MCHR2: variants seen among roughly 807,000 people sequenced by gnomAD.
The protein encoded by MCHR2 is melanin concentrating hormone receptor 2, also known as melanin-concentrating hormone receptor 2.
MCHR2 carries 15 observed loss-of-function variants against 24.8 expected under a neutral mutation model. That is an observed-to-expected ratio of 0.60 (90% CI 0.40 to 0.93). MCHR2 has a LOEUF of 0.93. MCHR2 is among the 40% of genes least tolerant of loss of function. MCHR2 has a pLI of 0.00. For synonymous variants in MCHR2, 151 were observed against 147.6 expected, an observed-to-expected ratio of 1.02 and a Z score of -0.17; for missense variants, 386 against 408.7, an observed-to-expected ratio of 0.94 and a Z score of 0.48.
At chr6:99,962,752 C>T (rs1449718399) in intron 1 of MCHR2, among the ~76,000 whole-genome samples, 2 of 151,998 alleles carry the variant, frequency 1.3e-5, no homozygotes, top group East Asian at 1.9e-4. Flanking sequence ...AATGAGTCTA[C>T]ACTGAACTAA....
rs1031262065 is a variant in MCHR2 at position 99,984,581 on chromosome 6, T to A, written c.-28+9355A>T. On this transcript the variant is annotated intron_variant, in intron 1 of 5. Coordinates refer to ENST00000281806, the MANE Select transcript of MCHR2 (RefSeq NM_001040179.2). ...ATACACAGAATTTTAAAAAACCCTA[T>A]GGTCACATCAATAGATGCAGAAAAA... is the stretch of plus-strand genomic sequence containing the variant. Among the ~76,000 whole-genome samples the A allele has an allele frequency of 9.9e-5, 15 of 152,266 alleles. 1 individual carries two copies. The highest frequency in any genetic ancestry group is 3.6e-4 in the African/African-American group (15 of 41,552).
chr6:99,942,917 C>A, intron 4 of MCHR2, 32 bp downstream of exon 4: 1 of 1,555,766 alleles, frequency 6.4e-7, no homozygotes. Flanking sequence ...CAACTTAATT[C>A]AACTCGTTTT....
chr6:99,987,163 T>C (rs1162272754), intron 1 of MCHR2, among the ~76,000 whole-genome samples: 1 of 151,796 alleles, frequency 6.6e-6, no homozygotes, highest in Admixed American at 6.6e-5. Context: ...TGCAGCGGTG[T>C]GATCTCGGCT....
intron 1 of MCHR2, among the ~76,000 whole-genome samples, chr6:99,969,838 C>G (rs1437153557): frequency 6.6e-6 from 1 of 151,318 alleles, no homozygotes; most frequent in African/African-American, 2.4e-5. Flanking sequence ...TGTGATAGTT[C>G]GCTGAGAATG....
At chr6:99,931,280 G>T (rs990161115) in intron 5 of MCHR2, among the ~76,000 whole-genome samples, 3 of 152,178 alleles carry the variant, frequency 2.0e-5, no homozygotes, top group African/African-American at 7.2e-5. Context: ...CTGCTCGGGG[G>T]TCAGGGGTCA....
intron 4 of MCHR2, among the ~76,000 whole-genome samples, chr6:99,938,722 T>C (rs1179717376): frequency 6.6e-6 from 1 of 152,054 alleles, no homozygotes; most frequent in Non-Finnish European, 1.5e-5. Context: ...GTGTGTAGTT[T>C]AATTCTGCCG....
intron 2 of MCHR2, among the ~76,000 whole-genome samples, chr6:99,949,134 A>G (rs974775172): frequency 6.6e-6 from 1 of 152,136 alleles, no homozygotes; most frequent in Admixed American, 6.5e-5. Flanking sequence ...TATCTGGGAG[A>G]TTCTGTTCAT....
At chr6:99,971,942 G>A (rs1429687412) in intron 1 of MCHR2, among the ~76,000 whole-genome samples, 1 of 152,156 alleles carries the variant, frequency 6.6e-6, no homozygotes, top group Non-Finnish European at 1.5e-5. Flanking sequence ...GCTTTTTGAT[G>A]TGCTGCTGGA....
At chr6:99,939,870 GTGTT>G (rs1447586849) in intron 4 of MCHR2, among the ~76,000 whole-genome samples, 2 of 41,618 alleles carry the variant, frequency 4.8e-5, no homozygotes, top group Non-Finnish European at 8.5e-5. Context: ...TGGATGGCAG[GTGTT>G]TTTTTTTTTT....
chr6:99,968,960 A>C (rs2114563605), intron 1 of MCHR2, among the ~76,000 whole-genome samples: 1 of 152,302 alleles, frequency 6.6e-6, no homozygotes, highest in East Asian at 1.9e-4. Flanking sequence ...ATTTTATGAC[A>C]CAGCTAAAGC....
chr6:99,980,763 T>C (rs936229429), intron 1 of MCHR2, among the ~76,000 whole-genome samples: 6 of 152,178 alleles, frequency 3.9e-5, no homozygotes, highest in Admixed American at 6.5e-5. Flanking sequence ...AGGTATTTAA[T>C]AGCAATGAGA....
intron 3 of MCHR2, among the ~76,000 whole-genome samples, chr6:99,947,344 G>T (rs762070170): frequency 7.2e-5 from 11 of 152,232 alleles, no homozygotes; most frequent in Middle Eastern, 3.4e-3. Context: ...GCCTTGGACA[G>T]AGACTAAGGA....
intron 1 of MCHR2, among the ~76,000 whole-genome samples, chr6:99,958,941 C>A (rs1016549431): frequency 6.6e-6 from 1 of 152,268 alleles, no homozygotes; most frequent in South Asian, 2.1e-4. Flanking sequence ...TACCTGGGGG[C>A]TCCTTAGAAC....
At position 99,932,036 on chromosome 6, in the gene MCHR2, G is replaced by A. The variant is rs548090725; in HGVS notation, c.707+2362C>T. 6.6e-5 allele frequency among the ~76,000 whole-genome samples: 10 copies of A among 152,220 alleles called. No homozygotes were observed. In the East Asian group the frequency reaches 1.7e-3, roughly 27 times the overall value. On this transcript the variant is annotated intron_variant, in intron 5 of 5. Coordinates refer to ENST00000281806, the MANE Select transcript of MCHR2 (RefSeq NM_001040179.2). ...TGAAGTTCTCCCTTTAGAATTTCTT[G>A]TAAGACAGGTCTAGTGTTGATGAAA... is the stretch of plus-strand genomic sequence containing the variant.
intron 2 of MCHR2, among the ~76,000 whole-genome samples, chr6:99,949,516 A>G (rs1407828973): frequency 2.0e-5 from 3 of 152,114 alleles, no homozygotes; most frequent in African/African-American, 4.8e-5. Context: ...TTTATTATTC[A>G]TTGGTTACAA....
intron 1 of MCHR2, among the ~76,000 whole-genome samples, chr6:99,991,876 G>T (rs184302425): frequency 2.6e-5 from 4 of 151,474 alleles, no homozygotes; most frequent in Admixed American, 6.6e-5. Context: ...AACAGAGCAG[G>T]CTCTTGACAA....
chr6:99,946,233 G>T (rs979170494), intron 3 of MCHR2, among the ~76,000 whole-genome samples: 4 of 152,062 alleles, frequency 2.6e-5, no homozygotes, highest in Admixed American at 6.6e-5. Flanking sequence ...AGTCACATTG[G>T]CTGGCATTAG....
intron 2 of MCHR2, 94 bp from the exon 3 acceptor site, chr6:99,948,065 C>T: frequency 3.7e-6 from 4 of 1,072,304 alleles, no homozygotes; most frequent in East Asian, 2.5e-5. Context: ...TGACATAATG[C>T]ATTTTAAATG....
intron 5 of MCHR2, among the ~76,000 whole-genome samples, chr6:99,922,176 G>A (rs1157801954): frequency 6.7e-6 from 1 of 148,260 alleles, no homozygotes; most frequent in Non-Finnish European, 1.5e-5. Flanking sequence ...GCACAATCTC[G>A]GCTCACTGCC....
Sources: allele counts gnomAD v4.1 joint callset (sites outside exome capture counted in the v4.1 genomes callset), GRCh38; gene constraint gnomAD v4.1.1; transcripts MANE v1.5; gene names NCBI Gene and HGNC (gene_info 2026-07-23, HGNC 2026-07-21).